The following CACNA1E variants were observed in gnomAD, a reference collection of about 807,000 sequenced individuals.
CACNA1E encodes calcium voltage-gated channel subunit alpha1 E, also known as voltage-dependent R-type calcium channel subunit alpha-1E.
In CACNA1E, 40 loss-of-function variants were observed where a neutral mutation model predicts 259.2. That is an observed-to-expected ratio of 0.15 (90% CI 0.12 to 0.20). The LOEUF is 0.20. Ranked by LOEUF, CACNA1E falls within the 10% of genes least tolerant of loss-of-function variation. CACNA1E has a pLI of 1.00. For missense variants in CACNA1E, 1,874 were observed against 3,040.1 expected (o/e 0.62, Z 9.02); for synonymous variants, 1,104 against 1,138.5 (o/e 0.97, Z 0.61).
rs1033509546 is a variant in CACNA1E, at chr1:181,511,266, G to A, written c.373-105G>A. On this transcript the variant is annotated intron_variant, in intron 2 of 47. Coordinates refer to ENST00000367573, the MANE Select transcript of CACNA1E (RefSeq NM_001205293.3). ...ACCCTTGCTTCCCACCTACACATGG[G>A]CAGGCCCAGCACAGACATCCAGGAA... The A allele has an allele frequency of 5.2e-6, 7 of 1,346,018 alleles. No individual in the cohort carries two copies. The Middle Eastern group carries it at 7.7e-4, about 148-fold the overall frequency. The allele number at this position is 1,346,018 out of a possible 1,614,324, so 83.4% of individuals were successfully genotyped here.
At position 181,776,057 on chromosome 1, in the gene CACNA1E, G is replaced by T. The variant is rs1659947387; in HGVS notation, c.5140-44G>T. On this transcript the variant is annotated intron_variant, in intron 37 of 47. Transcript: ENST00000367573. The surrounding 1 kb of genome is among the most constrained non-coding windows in gnomAD (Gnocchi z 4.4). ...CCTGTTCTTCTGCTTCCTGAGCTCT[G>T]CTTTAGGTTTCCCCTAACCCCTCTT... is the stretch of plus-strand genomic sequence containing the variant. The T allele has an allele frequency of 6.3e-7, 1 of 1,582,990 alleles. No individual in the cohort carries two copies. The highest frequency in any genetic ancestry group is 1.3e-5 in the African/African-American group (1 of 74,164).
intron 2 of CACNA1E, among the ~76,000 whole-genome samples, chr1:181,464,141 A>G (rs974715693): frequency 1.3e-5 from 2 of 152,098 alleles, no homozygotes; most frequent in South Asian, 4.2e-4. Flanking sequence ...ATGTCTCACT[A>G]ATTTAGTTTT....
intron 7 of CACNA1E, among the ~76,000 whole-genome samples, chr1:181,676,572 T>C (rs1244296894): frequency 2.0e-5 from 3 of 152,152 alleles, no homozygotes; most frequent in Non-Finnish European, 4.4e-5. Flanking sequence ...CAGTAATTAA[T>C]ATATGTTGAA....
intron 2 of CACNA1E, among the ~76,000 whole-genome samples, chr1:181,449,204 G>A (rs1181675446): frequency 6.6e-6 from 1 of 152,172 alleles, no homozygotes; most frequent in Non-Finnish European, 1.5e-5. Context: ...CACTTTGGAA[G>A]CTCACGTTTC....
intron 2 of CACNA1E, among the ~76,000 whole-genome samples, chr1:181,464,089 T>C (rs962054867): frequency 1.3e-5 from 2 of 152,158 alleles, no homozygotes; most frequent in African/African-American, 2.4e-5. Flanking sequence ...TTCTGGGCAC[T>C]TTATTTTATT....
At chr1:181,574,159 T>C (rs1650705785) in intron 3 of CACNA1E, among the ~76,000 whole-genome samples, 1 of 152,092 alleles carries the variant, frequency 6.6e-6, no homozygotes, top group Non-Finnish European at 1.5e-5. Flanking sequence ...AGGGAGAGCA[T>C]CAGGAGAAAT....
chr1:181,450,458 G>A (rs898173889), intron 2 of CACNA1E, among the ~76,000 whole-genome samples: 2 of 152,002 alleles, frequency 1.3e-5, no homozygotes, highest in African/African-American at 2.4e-5. Context: ...GTGTGTGTGT[G>A]TGTTTGTGTG....
At chr1:181,795,117 G>T in intron 46 of CACNA1E, 73 bp downstream of exon 46, 1 of 1,261,528 alleles carries the variant, frequency 7.9e-7, no homozygotes, top group South Asian at 1.4e-5. Flanking sequence ...ACTCTCCAAG[G>T]ACTGTAGATA....
chr1:181,474,361 A>C (rs1280137016), intron 2 of CACNA1E, among the ~76,000 whole-genome samples: 1 of 152,224 alleles, frequency 6.6e-6, no homozygotes, highest in Non-Finnish European at 1.5e-5. Context: ...TTCTCTCTTG[A>C]TTGAGAATTA....
rs188341766 is a variant in CACNA1E at position 181,665,852 on chromosome 1, T to C, written c.1055+14411T>C. Among the ~76,000 whole-genome samples the C allele has an allele frequency of 2.0e-3, 301 of 152,280 alleles. 1 individual carries two copies. The highest frequency in any genetic ancestry group is 6.9e-3 in the African/African-American group (288 of 41,572). On this transcript the variant is annotated intron_variant, in intron 7 of 47. Transcript: ENST00000367573. ...GCTACTAAGCTCCGAAGTGTACATA[T>C]TCACTTAGATATCCCTTAGGTGTCT... is the stretch of plus-strand genomic sequence containing the variant.
chr1:181,524,416 G>A (rs1252325156), intron 3 of CACNA1E, among the ~76,000 whole-genome samples: 1 of 152,184 alleles, frequency 6.6e-6, no homozygotes, highest in African/African-American at 2.4e-5. Flanking sequence ...CAGGCTATAG[G>A]AGTCTCATTT....
At chr1:181,769,426 G>A (rs1191519141) in intron 35 of CACNA1E, among the ~76,000 whole-genome samples, 4 of 147,622 alleles carry the variant, frequency 2.7e-5, no homozygotes, top group African/African-American at 9.9e-5. Context: ...AATTATGTTT[G>A]TTTTGTTCTG....
chr1:181,477,077 G>A (rs748033332), intron 2 of CACNA1E, among the ~76,000 whole-genome samples: 7 of 152,052 alleles, frequency 4.6e-5, no homozygotes, highest in African/African-American at 7.2e-5. Context: ...TATAATCTTC[G>A]TGATCCTAGA....
At chr1:181,455,277 T>C (rs970756896) in intron 2 of CACNA1E, among the ~76,000 whole-genome samples, 1 of 151,790 alleles carries the variant, frequency 6.6e-6, no homozygotes, top group Non-Finnish European at 1.5e-5. Context: ...AAGTCCAGAG[T>C]GAAGGGGAGG....
At chr1:181,480,710 G>A (rs1284026905), upstream of CACNA1E, among the ~76,000 whole-genome samples, 1 of 152,198 alleles carries the variant, frequency 6.6e-6, no homozygotes, top group Non-Finnish European at 1.5e-5. Flanking sequence ...CCAGCCTGCT[G>A]AGGCAGAACC....
intron 7 of CACNA1E, among the ~76,000 whole-genome samples, chr1:181,696,162 G>GA (rs1298339794): frequency 6.7e-6 from 1 of 149,908 alleles, no homozygotes; most frequent in Non-Finnish European, 1.5e-5. Flanking sequence ...ATGCCATTAA[G>GA]AAAATGAATA....
chr1:181,670,991 T>C (rs1472987502), intron 7 of CACNA1E, among the ~76,000 whole-genome samples: 1 of 152,226 alleles, frequency 6.6e-6, no homozygotes, highest in African/African-American at 2.4e-5. Context: ...AATACTTCTT[T>C]GATCACTTAC....
intron 6 of CACNA1E, among the ~76,000 whole-genome samples, chr1:181,637,725 A>G (rs1657370028): frequency 1.3e-5 from 2 of 152,132 alleles, no homozygotes; most frequent in Non-Finnish European, 2.9e-5. Flanking sequence ...CACAATGATT[A>G]TGTTGCAGTT....
intron 6 of CACNA1E, among the ~76,000 whole-genome samples, chr1:181,639,500 T>G (rs1323858343): frequency 6.6e-6 from 1 of 152,218 alleles, no homozygotes; most frequent in Non-Finnish European, 1.5e-5. Flanking sequence ...TAATTATGTC[T>G]TCTTAGTACT....
Sources: gnomAD v4.1 joint callset for allele counts (sites outside exome capture counted in the v4.1 genomes callset) on GRCh38, gnomAD v4.1.1 for gene constraint, Gnocchi (gnomAD v3.1) non-coding constraint, MANE v1.5 for transcripts, NCBI Gene and HGNC (gene_info 2026-07-23, HGNC 2026-07-21) for gene names.